TLE4: variants seen among roughly 807,000 people sequenced by gnomAD.
TLE4 encodes the protein TLE family member 4, transcriptional corepressor.
In TLE4, 8 loss-of-function variants were observed where a neutral mutation model predicts 92.8. The observed-to-expected ratio is 0.09, with a 90% CI of 0.05 to 0.16. The LOEUF is 0.16. Ranked by LOEUF, TLE4 falls within the 10% of genes least tolerant of loss-of-function variation. The pLI, the probability that TLE4 is intolerant of heterozygous loss-of-function variation, is 1.00. For synonymous variants in TLE4, 371 were observed against 374.1 expected, an observed-to-expected ratio of 0.99 and a Z score of 0.10; for missense variants, 675 against 997.6, an observed-to-expected ratio of 0.68 and a Z score of 4.36.
intron 18 of TLE4, 55 bp from the exon 19 acceptor site, chr9:79,722,904 T>C: frequency 6.6e-7 from 1 of 1,523,494 alleles, no homozygotes; most frequent in Admixed American, 1.8e-5. Flanking sequence ...AAGCAAATCT[T>C]GGTGTCTGAC....
intron 8 of TLE4, among the ~76,000 whole-genome samples, chr9:79,670,209 GAAAA>G: frequency 6.7e-6 from 1 of 149,910 alleles, no homozygotes; most frequent in Non-Finnish European, 1.5e-5. Flanking sequence ...AAAAAAGAAA[GAAAA>G]AAAAACTTGA....
At position 79,704,826 on chromosome 9, in the gene TLE4, A is replaced by G. The variant is rs757639138; in HGVS notation, c.653A>G (p.Lys218Arg). The G allele has an allele frequency of 6.2e-7, 1 of 1,614,208 alleles. No homozygotes were observed. Among genetic ancestry groups the G allele is most frequent in the Non-Finnish European group, 8.5e-7 (1 of 1,180,032 alleles). Reference sequence around the variant, plus strand: ...TCAGCCAGTTTCCGAGGTGCTGAGAAGCACAGAAACTCCGCAGACTACTCC... The same window carrying G: ...TCAGCCAGTTTCCGAGGTGCTGAGAGGCACAGAAACTCCGCAGACTACTCC... ...SPSASFRGAE[K>R]HRNSADYSSE... is the part of the protein sequence containing the mutation. Residue 218 changes from lysine (K) to arginine (R), a missense_variant, in exon 9 of 20, where the codon AAG becomes AGG. Lys to Arg is a conservative substitution (Grantham distance 26, BLOSUM62 2). This residue lies in a region of TLE4 where 280 missense variants were observed against 287.3 expected (regional missense o/e 0.97). Transcript: ENST00000376552.
intron 8 of TLE4, among the ~76,000 whole-genome samples, chr9:79,661,199 G>A (rs1186964188): frequency 7.2e-5 from 11 of 152,106 alleles, no homozygotes. Context: ...TCTTCCAATG[G>A]AATTATTCCA....
At chr9:79,575,574 G>A (rs1313503685) in intron 3 of TLE4, among the ~76,000 whole-genome samples, 1 of 152,194 alleles carries the variant, frequency 6.6e-6, no homozygotes, top group African/African-American at 2.4e-5. Flanking sequence ...CAAAAAACCA[G>A]ATCTGCTTTT....
chr9:79,714,682 AC>A (rs1588570751), intron 14 of TLE4, among the ~76,000 whole-genome samples: 1 of 152,208 alleles, frequency 6.6e-6, no homozygotes, highest in East Asian at 1.9e-4. Context: ...TCATTTCTGT[AC>A]TTTTCTCTCA....
At chr9:79,724,922 C>A in intron 19 of TLE4, 115 bp from the exon 20 acceptor site, 1 of 494,636 alleles carries the variant, frequency 2.0e-6, no homozygotes, top group Non-Finnish European at 3.8e-6. Context: ...CTTTCCTTGA[C>A]TGGGCTTTCT....
rs912407610 is a variant in TLE4, at chr9:79,679,719, A to T, written c.610-25064A>T. 2.7e-4 allele frequency among the ~76,000 whole-genome samples: 41 copies of T among 152,116 alleles called. 1 individual carries two copies. Among genetic ancestry groups the T allele is most frequent in the Admixed American group, 1.3e-4 (2 of 15,272 alleles). On this transcript the variant is annotated intron_variant, in intron 8 of 19. Transcript: ENST00000376552. Reference sequence around the variant, plus strand: ...GCCTATGTCCTGAATGGTATTGCCTAGGTTTTCTTCTAGGGTTTTTATGGT... The same window carrying T: ...GCCTATGTCCTGAATGGTATTGCCTTGGTTTTCTTCTAGGGTTTTTATGGT...
intron 18 of TLE4, 120 bp downstream of exon 18, chr9:79,722,721 T>A: frequency 3.3e-6 from 4 of 1,222,308 alleles, no homozygotes; most frequent in South Asian, 1.5e-5. Context: ...AGAATTCTAT[T>A]ACTTCCTGAT....
Position 79,584,626 on chromosome 9 carries a change from A to G in TLE4, c.252+8449A>G, listed in dbSNP as rs1388283606. Among the ~76,000 whole-genome samples, 3 of 152,272 alleles carry G rather than the reference A, an allele frequency of 2.0e-5. No individual in the cohort carries two copies. The East Asian group carries it at 5.8e-4, about 29-fold the overall frequency. ...TGGTGCGCAATAAAATATTTGGTGA[A>G]TGAGAGAATAGCAGTTAGAGCTAGC... On this transcript the variant is annotated intron_variant, in intron 4 of 19. Coordinates refer to ENST00000376552, the MANE Select transcript of TLE4 (RefSeq NM_007005.6).
chr9:79,670,778 C>T (rs1053307063), intron 8 of TLE4, among the ~76,000 whole-genome samples: 1 of 152,074 alleles, frequency 6.6e-6, no homozygotes, highest in African/African-American at 2.4e-5. Flanking sequence ...ATGCCTTATG[C>T]TATTTACCAT....
chr9:79,609,972 A>G (rs906596776), intron 4 of TLE4, among the ~76,000 whole-genome samples: 7 of 152,098 alleles, frequency 4.6e-5, no homozygotes, highest in South Asian at 2.1e-4. Flanking sequence ...CAGAATTTCA[A>G]GTGGTCAGAT....
At chr9:79,609,451 G>A (rs1352961333) in intron 4 of TLE4, among the ~76,000 whole-genome samples, 3 of 152,034 alleles carry the variant, frequency 2.0e-5, no homozygotes, top group Non-Finnish European at 4.4e-5. Flanking sequence ...TGGTGTAAAG[G>A]TGGGTAATTT....
rs769308263 is a variant in TLE4, at chr9:79,652,573, T to C, written c.391-20T>C. 2 of 1,613,628 alleles carry C rather than the reference T, an allele frequency of 1.2e-6. No homozygotes were observed. The highest frequency in any genetic ancestry group is 1.7e-6 in the Non-Finnish European group (2 of 1,179,650). Reference sequence around the variant, plus strand: ...GATATGGGGGCAAATTCAATATCTGTGTTTAATTTTTCACAGCAGCAACAA... The same window carrying C: ...GATATGGGGGCAAATTCAATATCTGCGTTTAATTTTTCACAGCAGCAACAA... On this transcript the variant is annotated intron_variant, in intron 6 of 19. Coordinates refer to ENST00000376552, the MANE Select transcript of TLE4 (RefSeq NM_007005.6).
Position 79,725,178 on chromosome 9 carries a change from C to T in TLE4, c.*34C>T, listed in dbSNP as rs781385858. Reference sequence around the variant, plus strand: ...CTTCATGCAGACTGGACTTCTCCTCCTGGTAGCACTTTGCTCTGTCATCCT... The same window carrying T: ...CTTCATGCAGACTGGACTTCTCCTCTTGGTAGCACTTTGCTCTGTCATCCT... On this transcript the variant is annotated 3_prime_UTR_variant, in exon 20 of 20. Transcript: ENST00000376552. 6.7e-7 allele frequency: 1 copy of T among 1,496,108 alleles called. No homozygotes were observed. The highest frequency in any genetic ancestry group is 9.3e-7 in the Non-Finnish European group (1 of 1,073,918). The allele number at this position is 1,496,108 out of a possible 1,614,324, so 92.7% of individuals were successfully genotyped here. A position where few individuals can be genotyped will look rare whatever the true frequency, so the allele number is the denominator to read the frequency against.
At chr9:79,574,799 T>G in intron 2 of TLE4, 74 bp from the exon 3 acceptor site, 2 of 1,269,282 alleles carry the variant, frequency 1.6e-6, no homozygotes, top group Non-Finnish European at 2.3e-6. Context: ...TAGGTGAGAT[T>G]TAGAATATGC....
intron 4 of TLE4, among the ~76,000 whole-genome samples, chr9:79,599,518 A>G (rs1240541047): frequency 6.6e-6 from 1 of 152,186 alleles, no homozygotes; most frequent in Non-Finnish European, 1.5e-5. Flanking sequence ...CCCACGGAAT[A>G]TCATCTCCTC....
chr9:79,707,190 A>G, intron 11 of TLE4: 2 of 1,612,916 alleles, frequency 1.2e-6, no homozygotes, highest in Non-Finnish European at 1.7e-6. Flanking sequence ...TTGGGGTTAC[A>G]GAGATGGTTT....
chr9:79,690,879 G>T (rs529134254), intron 8 of TLE4, among the ~76,000 whole-genome samples: 2 of 144,266 alleles, frequency 1.4e-5, no homozygotes, highest in African/African-American at 5.1e-5. Flanking sequence ...CAAGCAGTCT[G>T]CCTGCCTCAG....
intron 4 of TLE4, among the ~76,000 whole-genome samples, chr9:79,608,715 C>T (rs1477034328): frequency 6.6e-6 from 1 of 151,958 alleles, no homozygotes; most frequent in Non-Finnish European, 1.5e-5. Context: ...TGTTTTATTT[C>T]AACAATACAT....
Sources: gnomAD v4.1 joint callset for allele counts (sites outside exome capture counted in the v4.1 genomes callset) on GRCh38, gnomAD v4.1.1 for gene constraint, gnomAD v4.1.1 regional missense constraint, MANE v1.5 for transcripts, NCBI Gene and HGNC (gene_info 2026-07-23, HGNC 2026-07-21) for gene names.